The following ADAM32 variants were observed in gnomAD, a reference collection of about 807,000 sequenced individuals.
ADAM32 encodes ADAM metallopeptidase domain 32.
ADAM32 carries 89 observed loss-of-function variants against 114.9 expected under a neutral mutation model. The ratio of observed to expected loss-of-function variants is 0.77; its 90% CI spans 0.65 to 0.92. The LOEUF (loss-of-function observed/expected upper bound fraction) is 0.92, where lower values mean the gene tolerates loss of function less well. Ranked by LOEUF, ADAM32 falls within the 40% of genes least tolerant of loss-of-function variation. The pLI is 0.00. For synonymous variants in ADAM32, 285 were observed against 307.5 expected, an observed-to-expected ratio of 0.93 and a Z score of 0.77; for missense variants, 870 against 932.8, an observed-to-expected ratio of 0.93 and a Z score of 0.88.
At chr8:39,265,350 G>A (rs1335749657) in intron 19 of ADAM32, among the ~76,000 whole-genome samples, 1 of 152,124 alleles carries the variant, frequency 6.6e-6, no homozygotes, top group Non-Finnish European at 1.5e-5. Context: ...TTTGCTTGAT[G>A]GATCTTTCTC....
intron 6 of ADAM32, among the ~76,000 whole-genome samples, chr8:39,156,346 T>C (rs568970419): frequency 6.6e-6 from 1 of 152,324 alleles, no homozygotes; most frequent in African/African-American, 2.4e-5. Flanking sequence ...GGTCTTCCTT[T>C]GTTGCCCAGG....
At chr8:39,117,070 G>T (rs747917252) in intron 1 of ADAM32, among the ~76,000 whole-genome samples, 16 of 151,604 alleles carry the variant, frequency 1.1e-4, no homozygotes, top group Non-Finnish European at 2.4e-4. Flanking sequence ...TTTCAGTAGA[G>T]ACGGGGTTTC....
In ADAM32 at chr8:39,261,253, A is replaced by G. The variant is rs115058498; in HGVS notation, c.2162+3910A>G. Among the ~76,000 whole-genome samples the G allele has an allele frequency of 4.6e-3, 694 of 152,204 alleles. 6 individuals are homozygous for G. The highest frequency in any genetic ancestry group is 0.015 in the African/African-American group (628 of 41,536). On this transcript the variant is annotated intron_variant, in intron 19 of 24. Coordinates refer to ENST00000379907, the MANE Select transcript of ADAM32 (RefSeq NM_145004.7). Reference sequence around the variant, plus strand: ...AACTTCACAGCCTCTAGTATCTTCTATTCTACATTTTACTTCTGAGATCAA... The same window carrying G: ...AACTTCACAGCCTCTAGTATCTTCTGTTCTACATTTTACTTCTGAGATCAA...
At chr8:39,281,309 A>G (rs1813407915) in intron 23 of ADAM32, 135 bp downstream of exon 23, 2 of 326,052 alleles carry the variant, frequency 6.1e-6, no homozygotes, top group Admixed American at 1.1e-4. Context: ...AACCCAACTT[A>G]TTAATATTTC....
At chr8:39,154,036 A>ATATATG (rs1337920073) in intron 6 of ADAM32, among the ~76,000 whole-genome samples, 2 of 148,462 alleles carry the variant, frequency 1.3e-5, no homozygotes, top group African/African-American at 4.9e-5. Context: ...AGTTCCTCAT[A>ATATATG]TATATATATA....
At position 39,186,817 on chromosome 8, in the gene ADAM32, A is replaced by G. The variant is rs116125201; in HGVS notation, c.916-92A>G. The G allele has an allele frequency of 6.2e-3, 6,780 of 1,090,696 alleles. 301 individuals are homozygous for G. In the African/African-American group the frequency reaches 0.096, roughly 15 times the overall value. The allele number at this position is 1,090,696 out of a possible 1,614,324, so 67.6% of individuals were successfully genotyped here. On this transcript the variant is annotated intron_variant, in intron 10 of 24. Transcript: ENST00000379907. Reference sequence around the variant, plus strand: ...TATCTCCCTAATTCTTTAGCATTTGATAAAATAATAAAATATTCATAATTA... The same window carrying G: ...TATCTCCCTAATTCTTTAGCATTTGGTAAAATAATAAAATATTCATAATTA...
intron 11 of ADAM32, among the ~76,000 whole-genome samples, chr8:39,202,683 G>C (rs942028620): frequency 1.3e-5 from 2 of 152,058 alleles, no homozygotes; most frequent in African/African-American, 4.8e-5. Flanking sequence ...GCTTTTGAAT[G>C]TGTTTGCTCT....
intron 9 of ADAM32, chr8:39,168,792 T>C: frequency 6.6e-6 from 1 of 152,254 alleles, no homozygotes; most frequent in Non-Finnish European, 1.5e-5. Context: ...AGGTGGTAGA[T>C]CTTGACAACT....
At chr8:39,115,971 C>T (rs376731234) in intron 1 of ADAM32, among the ~76,000 whole-genome samples, 8 of 152,180 alleles carry the variant, frequency 5.3e-5, no homozygotes, top group South Asian at 2.1e-4. Context: ...CCAGTTATCC[C>T]GGCACCATTT....
At chr8:39,124,246 G>T (rs1035755410) in intron 2 of ADAM32, among the ~76,000 whole-genome samples, 2 of 151,832 alleles carry the variant, frequency 1.3e-5, no homozygotes, top group African/African-American at 4.8e-5. Flanking sequence ...TCATCATTCA[G>T]CTCCCACTTA....
intron 17 of ADAM32, among the ~76,000 whole-genome samples, chr8:39,251,099 A>C (rs1268815774): frequency 6.6e-6 from 1 of 151,714 alleles, no homozygotes; most frequent in Admixed American, 6.6e-5. Flanking sequence ...TTGATTCTAT[A>C]TTTTGGCTAT....
chr8:39,275,952 C>G, intron 22 of ADAM32, 86 bp downstream of exon 22: 1 of 1,292,564 alleles, frequency 7.7e-7, no homozygotes, highest in African/African-American at 1.5e-5. Context: ...CAATTACTTG[C>G]TAACTATTAA....
At chr8:39,187,243 G>A (rs1338063686) in intron 11 of ADAM32, among the ~76,000 whole-genome samples, 198 bp downstream of exon 11, 1 of 152,080 alleles carries the variant, frequency 6.6e-6, no homozygotes, top group Non-Finnish European at 1.5e-5. Flanking sequence ...CAATCTGAAA[G>A]ATATATTAGC....
intron 14 of ADAM32, among the ~76,000 whole-genome samples, chr8:39,227,727 G>T (rs987880337): frequency 1.3e-5 from 2 of 152,106 alleles, no homozygotes; most frequent in African/African-American, 4.8e-5. Context: ...GCCCCCACCT[G>T]ATGGTCTTCC....
chr8:39,113,712 CT>C (rs1167357530), intron 1 of ADAM32, among the ~76,000 whole-genome samples: 2 of 152,146 alleles, frequency 1.3e-5, no homozygotes, highest in Non-Finnish European at 2.9e-5. Context: ...CTTGCTACTT[CT>C]TGCTCACTAA....
At chr8:39,284,716 T>TTG (rs1201140779) in intron 24 of ADAM32, 77 bp from the exon 25 acceptor site, 1 of 1,525,024 alleles carries the variant, frequency 6.6e-7, no homozygotes. Flanking sequence ...CACTTGGCAA[T>TTG]ACCTCAGCTG....
rs570449294 is a variant in ADAM32 at position 39,255,703 on chromosome 8, T to G, written c.2005+1187T>G. Among the ~76,000 whole-genome samples, 23 of 152,254 alleles carry G rather than the reference T, an allele frequency of 1.5e-4. No homozygotes were observed. In the East Asian group the frequency reaches 3.9e-3, roughly 25 times the overall value. The stretch of plus-strand genomic sequence containing the variant: ...TCTGTTTACTCTGCTGATTATATCT[T>G]TTGCTTCGCAGAAGCTTTTAAATTT... On this transcript the variant is annotated intron_variant, in intron 18 of 24. Coordinates refer to ENST00000379907, the MANE Select transcript of ADAM32 (RefSeq NM_145004.7).
At chr8:39,169,712 T>G in intron 9 of ADAM32, 1 of 417,826 alleles carries the variant, frequency 2.4e-6, no homozygotes, top group Non-Finnish European at 4.2e-6. Context: ...GTTTCAGATA[T>G]CAAGAGTGTT....
chr8:39,283,822 G>A (rs1225011401), intron 24 of ADAM32, among the ~76,000 whole-genome samples, 198 bp downstream of exon 24: 1 of 140,608 alleles, frequency 7.1e-6, no homozygotes, highest in Non-Finnish European at 1.5e-5. Flanking sequence ...CGACCAGGCT[G>A]GAGTGCAATG....
Sources: gnomAD v4.1 joint callset for allele counts (sites outside exome capture counted in the v4.1 genomes callset) on GRCh38, gnomAD v4.1.1 for gene constraint, MANE v1.5 for transcripts, NCBI Gene and HGNC (gene_info 2026-07-23, HGNC 2026-07-21) for gene names.